RBM33: variants seen among roughly 807,000 people sequenced by gnomAD.
RBM33 encodes RNA binding motif protein 33, also known as RNA-binding protein 33.
Under a neutral mutation model 132.6 loss-of-function variants are expected in RBM33, and 28 were observed. The observed-to-expected ratio is 0.21, with a 90% CI of 0.16 to 0.29. RBM33 has a LOEUF of 0.29. RBM33 is among the 10% of genes least tolerant of loss of function. The pLI is 1.00. For synonymous variants in RBM33, 634 were observed against 593.0 expected, an observed-to-expected ratio of 1.07 and a Z score of -1.01; for missense variants, 1,291 against 1,518.5, an observed-to-expected ratio of 0.85 and a Z score of 2.49.
intron 8 of RBM33, among the ~76,000 whole-genome samples, chr7:155,712,322 A>G (rs1459914584): frequency 6.6e-6 from 1 of 152,234 alleles, no homozygotes; most frequent in Non-Finnish European, 1.5e-5. Flanking sequence ...AGCAGTTTAT[A>G]CGAAGCTTTA....
chr7:155,751,799 A>C (rs1012826005), intron 14 of RBM33, among the ~76,000 whole-genome samples: 2 of 152,136 alleles, frequency 1.3e-5, no homozygotes, highest in Admixed American at 6.5e-5. Context: ...TAGTAAAGTA[A>C]TTTATAGGAA....
chr7:155,755,613 T>A (rs2117053594), intron 14 of RBM33, among the ~76,000 whole-genome samples: 1 of 152,178 alleles, frequency 6.6e-6, no homozygotes, highest in South Asian at 2.1e-4. Context: ...TAATCAAGAG[T>A]TGAGATTTCT....
intron 1 of RBM33, among the ~76,000 whole-genome samples, chr7:155,648,341 G>A (rs1168128042): frequency 6.6e-6 from 1 of 152,192 alleles, no homozygotes; most frequent in Non-Finnish European, 1.5e-5. Context: ...TAAACTAGCC[G>A]AGAAAAGTTC....
chr7:155,755,903 A>G (rs1801834429), intron 14 of RBM33, among the ~76,000 whole-genome samples: 1 of 133,274 alleles, frequency 7.5e-6, no homozygotes, highest in Admixed American at 7.3e-5. Context: ...ATAAATATAC[A>G]AAAAAAACTA....
intron 8 of RBM33, among the ~76,000 whole-genome samples, chr7:155,712,982 C>T (rs1439852000): frequency 6.6e-6 from 1 of 152,108 alleles, no homozygotes; most frequent in East Asian, 1.9e-4. Flanking sequence ...TAGGAGGTGA[C>T]AGATGATCCT....
chr7:155,709,950 G>T (rs996945693), intron 7 of RBM33, among the ~76,000 whole-genome samples: 2 of 152,176 alleles, frequency 1.3e-5, no homozygotes, highest in Non-Finnish European at 2.9e-5. Flanking sequence ...CTTGCTCTTT[G>T]TCAGACTATG....
chr7:155,747,946 G>A (rs964563090), intron 14 of RBM33, among the ~76,000 whole-genome samples: 1 of 152,200 alleles, frequency 6.6e-6, no homozygotes. Context: ...TTCAGACAAT[G>A]CAAAAAGGAA....
chr7:155,754,379 A>T (rs1801780506), intron 14 of RBM33, among the ~76,000 whole-genome samples: 1 of 152,178 alleles, frequency 6.6e-6, no homozygotes, highest in African/African-American at 2.4e-5. Flanking sequence ...TCAGTGCTAC[A>T]GAGCAGGTCC....
At chr7:155,762,333 G>T (rs1245290166) in intron 14 of RBM33, among the ~76,000 whole-genome samples, 1 of 152,236 alleles carries the variant, frequency 6.6e-6, no homozygotes, top group Non-Finnish European at 1.5e-5. Flanking sequence ...TGCTGCTGGG[G>T]AACTTCAGGC....
chr7:155,738,937 A>AT (rs1801224729), intron 11 of RBM33: 2 of 155,470 alleles, frequency 1.3e-5, no homozygotes, highest in Non-Finnish European at 2.9e-5. Flanking sequence ...ATGGGTTGAC[A>AT]TGCGTCTGTA....
chr7:155,678,597 AT>A lies in RBM33; in HGVS notation c.172-7del, dbSNP rs747414380. 6.7e-7 allele frequency: 1 copy of A among 1,488,024 alleles called. No individual in the cohort carries two copies. The highest frequency in any genetic ancestry group is 1.2e-5 in the South Asian group (1 of 81,104). 92.2% of individuals were successfully genotyped at this position (1,488,024 alleles called of 1,614,324 possible). On this transcript the variant is annotated splice_polypyrimidine_tract_variant and intron_variant, in intron 3 of 17. Transcript: ENST00000401878. ...GTGACACACATTAATTATATTTCTT[AT>A]TTTAATTAGAATCAGTCGGATTTGT...
At chr7:155,701,900 C>G (rs1458290253) in intron 6 of RBM33, among the ~76,000 whole-genome samples, 1 of 152,174 alleles carries the variant, frequency 6.6e-6, no homozygotes, top group Non-Finnish European at 1.5e-5. Context: ...ATTGTCCAGG[C>G]TGGTCTTGAA....
At chr7:155,661,146 A>ATATATATATATTTTT (rs1421586760) in intron 1 of RBM33, among the ~76,000 whole-genome samples, 2 of 81,182 alleles carry the variant, frequency 2.5e-5, no homozygotes, top group Non-Finnish European at 5.1e-5. Flanking sequence ...ATATATATAT[A>ATATATATATATTTTT]TTTTTTTTTT....
At chr7:155,758,431 T>C (rs1001622955) in intron 14 of RBM33, among the ~76,000 whole-genome samples, 2 of 152,144 alleles carry the variant, frequency 1.3e-5, no homozygotes, top group Non-Finnish European at 2.9e-5. Flanking sequence ...TAGAGTCTTA[T>C]AAGGAGCTGG....
chr7:155,650,241 A>G lies in RBM33; in HGVS notation c.43+5322A>G, dbSNP rs78175616. 7.1e-3 allele frequency among the ~76,000 whole-genome samples: 1,078 copies of G among 152,334 alleles called. 18 individuals carry two copies. The highest frequency in any genetic ancestry group is 0.024 in the African/African-American group (1,003 of 41,572). ...AGCTGATTCCTCAGCTCAGGTCACAATGCACAATCACAATTTTTTGAGGAC... is the reference window on the plus strand; with the variant it reads ...AGCTGATTCCTCAGCTCAGGTCACAGTGCACAATCACAATTTTTTGAGGAC... On this transcript the variant is annotated intron_variant, in intron 1 of 17. Transcript: ENST00000401878.
chr7:155,648,139 A>G lies in RBM33; in HGVS notation c.43+3220A>G, dbSNP rs200456462. Among the ~76,000 whole-genome samples the G allele has an allele frequency of 2.0e-5, 3 of 152,338 alleles. No homozygotes were observed. The East Asian group carries it at 5.8e-4, about 29-fold the overall frequency. ...TTAATGGGAAATTTCAAACACATCC[A>G]GTAGTAGAATAATGAACCCACATAC... On this transcript the variant is annotated intron_variant, in intron 1 of 17. Coordinates refer to ENST00000401878, the MANE Select transcript of RBM33 (RefSeq NM_053043.3).
intron 9 of RBM33, among the ~76,000 whole-genome samples, chr7:155,732,827 A>G (rs559853144): frequency 6.6e-6 from 1 of 152,210 alleles, no homozygotes; most frequent in Non-Finnish European, 1.5e-5. Flanking sequence ...TATCCTGGGC[A>G]GTGAGAGAAG....
chr7:155,722,362 A>G (rs866113989), intron 9 of RBM33, among the ~76,000 whole-genome samples: 2 of 152,200 alleles, frequency 1.3e-5, no homozygotes, highest in East Asian at 1.9e-4. Flanking sequence ...CTATTTCACG[A>G]AACACTGTGT....
intron 3 of RBM33, 131 bp downstream of exon 3, chr7:155,673,046 TA>T (rs1204587418): frequency 1.5e-5 from 8 of 525,182 alleles, no homozygotes; most frequent in South Asian, 3.0e-5. Flanking sequence ...TAAACTGAAT[TA>T]TTTTTTAAGT....
Sources: gnomAD v4.1 joint callset for allele counts (sites outside exome capture counted in the v4.1 genomes callset) on GRCh38, gnomAD v4.1.1 for gene constraint, MANE v1.5 for transcripts, NCBI Gene and HGNC (gene_info 2026-07-23, HGNC 2026-07-21) for gene names.